Variants in CNOT6 observed in about 807,000 individuals in gnomAD.
CNOT6 encodes the protein carbon catabolite repression 4 protein.
Under a neutral mutation model 61.2 loss-of-function variants are expected in CNOT6, and 12 were observed. The observed-to-expected ratio is 0.20, with a 90% CI of 0.13 to 0.32. CNOT6 has a LOEUF of 0.32. CNOT6 is among the 10% of genes least tolerant of loss of function. The pLI is 1.00. For missense variants in CNOT6, 405 were observed against 663.9 expected (o/e 0.61, Z 4.28); for synonymous variants, 225 against 240.6 (o/e 0.94, Z 0.60).
chr5:180,551,891 C>T (rs116781985), intron 3 of CNOT6, among the ~76,000 whole-genome samples: 3,574 of 147,218 alleles, frequency 0.024, 154 homozygotes, highest in African/African-American at 0.084. Context: ...TTTTTGGAGA[C>T]GGAATTTTAC....
At chr5:180,526,975 G>A (rs533530546) in intron 1 of CNOT6, among the ~76,000 whole-genome samples, 3 of 151,544 alleles carry the variant, frequency 2.0e-5, no homozygotes, top group Non-Finnish European at 2.9e-5. Context: ...AACCTCCTGG[G>A]TTCAAGCGAT....
At position 180,576,527 on chromosome 5, in the gene CNOT6, G is replaced by A. The variant is rs973828032; in HGVS notation, c.*2327G>A. 2.0e-5 allele frequency: 3 copies of A among 152,626 alleles called. No individual in the cohort carries two copies. Among genetic ancestry groups the A allele is most frequent in the African/African-American group, 4.8e-5 (2 of 41,450 alleles). 9.5% of individuals were successfully genotyped at this position (152,626 alleles called of 1,614,324 possible). ...ATATTAAGATGTAATGGCCTGTTAT[G>A]TCTTGAAAATACTTGTTTTGCCTCT... On this transcript the variant is annotated 3_prime_UTR_variant, in exon 12 of 12. Transcript: ENST00000261951.
At chr5:180,559,467 C>G (rs377642555) in intron 4 of CNOT6, among the ~76,000 whole-genome samples, 5 of 152,096 alleles carry the variant, frequency 3.3e-5, no homozygotes, top group African/African-American at 1.2e-4. Context: ...TATCTCTTGC[C>G]ATTCCTTTCT....
intron 2 of CNOT6, among the ~76,000 whole-genome samples, chr5:180,538,140 G>A (rs1004282189): frequency 3.4e-5 from 5 of 147,816 alleles, no homozygotes; most frequent in African/African-American, 1.2e-4. Flanking sequence ...CCAGGTTCAA[G>A]CCATTGTCCT....
At chr5:180,535,741 A>T (rs1581516977) in intron 2 of CNOT6, among the ~76,000 whole-genome samples, 1 of 152,218 alleles carries the variant, frequency 6.6e-6, no homozygotes, top group African/African-American at 2.4e-5. Context: ...ACTGATTTCC[A>T]TACAAGTTGT....
chr5:180,495,951 A>T (rs1430244176), intron 1 of CNOT6, among the ~76,000 whole-genome samples: 1 of 152,198 alleles, frequency 6.6e-6, no homozygotes, highest in Non-Finnish European at 1.5e-5. Flanking sequence ...TCACTCTGTC[A>T]CCCAGGCTGG....
At chr5:180,508,157 G>A (rs1350470988) in intron 1 of CNOT6, among the ~76,000 whole-genome samples, 9 of 141,416 alleles carry the variant, frequency 6.4e-5, no homozygotes, top group Admixed American at 4.9e-4. Flanking sequence ...AAGGCAGAGT[G>A]GGTGAGAGAT....
intron 1 of CNOT6, among the ~76,000 whole-genome samples, chr5:180,514,975 T>C (rs950428989): frequency 2.6e-5 from 4 of 152,136 alleles, no homozygotes; most frequent in African/African-American, 9.7e-5. Flanking sequence ...AAACGTATGG[T>C]GTGCATGCAG....
intron 6 of CNOT6, 72 bp downstream of exon 6, chr5:180,564,815 C>A: frequency 8.7e-7 from 1 of 1,148,140 alleles, no homozygotes; most frequent in Non-Finnish European, 1.3e-6. Context: ...TGTCAGCATG[C>A]TTAGATTACA....
chr5:180,499,129 CTG>C (rs1352158454), intron 1 of CNOT6, among the ~76,000 whole-genome samples: 1 of 152,170 alleles, frequency 6.6e-6, no homozygotes, highest in African/African-American at 2.4e-5. Flanking sequence ...TCTTCTGAGT[CTG>C]TGGTCCCTTA....
intron 5 of CNOT6, 40 bp from the exon 6 acceptor site, chr5:180,564,635 G>C: frequency 6.2e-7 from 1 of 1,606,692 alleles, no homozygotes; most frequent in Non-Finnish European, 8.5e-7. Context: ...AGGAAGACGT[G>C]TAAGAATATT....
At chr5:180,545,732 A>G (rs143002683) in intron 2 of CNOT6, among the ~76,000 whole-genome samples, 1 of 152,198 alleles carries the variant, frequency 6.6e-6, no homozygotes, top group African/African-American at 2.4e-5. Flanking sequence ...GGAATTGATC[A>G]TATGGTAAGT....
In CNOT6 at chr5:180,555,957, G is replaced by T. The variant is rs564269998; in HGVS notation, c.385+2486G>T. On this transcript the variant is annotated intron_variant, in intron 4 of 11. Coordinates refer to ENST00000261951, the MANE Select transcript of CNOT6 (RefSeq NM_001370472.1). ...GCCGCAGTACTACAGTTAAAGGCAG[G>T]ACTGTGACCTTAGGTGCCCATTCAC... 4.9e-4 allele frequency among the ~76,000 whole-genome samples: 75 copies of T among 152,240 alleles called. No individual in the cohort carries two copies. The South Asian group carries it at 8.3e-3, about 17-fold the overall frequency.
At chr5:180,566,858 G>C (rs964508836) in intron 7 of CNOT6, among the ~76,000 whole-genome samples, 4 of 151,528 alleles carry the variant, frequency 2.6e-5, no homozygotes, top group Admixed American at 2.6e-4. Context: ...TCGCCATGTT[G>C]GCCAGGCTTG....
intron 1 of CNOT6, among the ~76,000 whole-genome samples, chr5:180,522,496 TA>T (rs1757923188): frequency 6.6e-6 from 1 of 152,196 alleles, no homozygotes; most frequent in Admixed American, 6.5e-5. Flanking sequence ...CAGCAGTGTA[TA>T]AGTGTTCCCT....
chr5:180,547,519 A>G lies in CNOT6; in HGVS notation c.113-2412A>G, dbSNP rs1425137735. On this transcript the variant is annotated intron_variant, in intron 2 of 11. Coordinates refer to ENST00000261951, the MANE Select transcript of CNOT6 (RefSeq NM_001370472.1). Reference sequence around the variant, plus strand: ...TGGGCAACAGAGCGAGACTCCATGAAAAAAAAGAGAAAAGAAAAGAAAATT... The same window carrying G: ...TGGGCAACAGAGCGAGACTCCATGAGAAAAAAGAGAAAAGAAAAGAAAATT... Among the ~76,000 whole-genome samples, 7 of 151,920 alleles carry G rather than the reference A, an allele frequency of 4.6e-5. No individual in the cohort carries two copies. In the East Asian group the frequency reaches 5.9e-4, roughly 13 times the overall value.
chr5:180,572,835 C>T (rs375481505), intron 11 of CNOT6, among the ~76,000 whole-genome samples: 1 of 152,140 alleles, frequency 6.6e-6, no homozygotes, highest in East Asian at 1.9e-4. Flanking sequence ...GGATTATAGA[C>T]GGGAGCTACC....
chr5:180,527,960 A>C (rs1351329244), intron 1 of CNOT6, among the ~76,000 whole-genome samples: 1 of 152,118 alleles, frequency 6.6e-6, no homozygotes, highest in Non-Finnish European at 1.5e-5. Flanking sequence ...GATCTAACTA[A>C]TGCTTGGTGA....
Position 180,535,989 on chromosome 5 carries a change from T to G in CNOT6, c.112+6601T>G, listed in dbSNP as rs1171673673. 8.1e-3 allele frequency among the ~76,000 whole-genome samples: 51 copies of G among 6,318 alleles called. 1 individual carries two copies. Among genetic ancestry groups the G allele is most frequent in the Admixed American group, 0.017 (5 of 288 alleles). The allele number at this position is 6,318 out of a possible 152,430, so 4.1% of individuals were successfully genotyped here. A position where few individuals can be genotyped will look rare whatever the true frequency, so the allele number is the denominator to read the frequency against. On this transcript the variant is annotated intron_variant, in intron 2 of 11. Coordinates refer to ENST00000261951, the MANE Select transcript of CNOT6 (RefSeq NM_001370472.1). Reference sequence around the variant, plus strand: ...CATGTTCTTTGCCCACTTATTAGGGTTTTTTTTTTTTTTTTTTTTTTTTTT... The same window carrying G: ...CATGTTCTTTGCCCACTTATTAGGGGTTTTTTTTTTTTTTTTTTTTTTTTT...
Sources: gnomAD v4.1 joint callset for allele counts (sites outside exome capture counted in the v4.1 genomes callset) on GRCh38, gnomAD v4.1.1 for gene constraint, MANE v1.5 for transcripts, NCBI Gene and HGNC (gene_info 2026-07-23, HGNC 2026-07-21) for gene names.